TMEM131: variants seen among roughly 807,000 people sequenced by gnomAD.
The protein encoded by TMEM131 is transmembrane protein 131.
A neutral mutation model predicts 211.6 loss-of-function variants in TMEM131; 66 were observed. That is an observed-to-expected ratio of 0.31 (90% CI 0.26 to 0.38). The LOEUF (loss-of-function observed/expected upper bound fraction) is 0.38, where lower values mean the gene tolerates loss of function less well. TMEM131 is among the 10% of genes least tolerant of loss of function. The probability of loss-of-function intolerance (pLI) is 1.00; values close to 1 mark genes in which losing one functional copy is unlikely to be tolerated. For synonymous variants in TMEM131, 844 were observed against 841.3 expected, an observed-to-expected ratio of 1.00 and a Z score of -0.06; for missense variants, 2,036 against 2,299.3, an observed-to-expected ratio of 0.89 and a Z score of 2.34.
chr2:97,760,460 T>G (rs1195808515), intron 38 of TMEM131, 133 bp downstream of exon 38: 1 of 855,060 alleles, frequency 1.2e-6, no homozygotes, highest in Non-Finnish European at 1.8e-6. Flanking sequence ...TTAGAGGCAC[T>G]TGACCACTTC....
chr2:97,910,264 T>C (rs1237240777), intron 2 of TMEM131, among the ~76,000 whole-genome samples: 2 of 152,154 alleles, frequency 1.3e-5, no homozygotes, highest in South Asian at 2.1e-4. Flanking sequence ...ACTGGAACCT[T>C]TGTGCACTGT....
chr2:97,891,109 C>T (rs964144312), intron 3 of TMEM131, among the ~76,000 whole-genome samples: 8 of 152,166 alleles, frequency 5.3e-5, no homozygotes, highest in East Asian at 1.9e-4. Flanking sequence ...TTCCTATCCA[C>T]GTTTATTTAA....
At chr2:97,813,903 C>G in intron 15 of TMEM131, 68 bp downstream of exon 15, 1 of 1,253,854 alleles carries the variant, frequency 8.0e-7, no homozygotes, top group South Asian at 1.6e-5. Flanking sequence ...ACACGACTGC[C>G]TAATAAGATC....
At chr2:97,946,242 T>TA (rs918105438) in intron 1 of TMEM131, among the ~76,000 whole-genome samples, 4 of 151,286 alleles carry the variant, frequency 2.6e-5, no homozygotes, top group African/African-American at 9.7e-5. Flanking sequence ...TGTTTTTTAA[T>TA]AAAAAAAGAA....
chr2:97,848,045 T>C (rs2105128050), intron 5 of TMEM131, among the ~76,000 whole-genome samples: 1 of 152,302 alleles, frequency 6.6e-6, no homozygotes, highest in East Asian at 1.9e-4. Flanking sequence ...TAAGAATTAA[T>C]ATAAAGCCAC....
chr2:97,861,129 T>C (rs1451284103), intron 4 of TMEM131, among the ~76,000 whole-genome samples: 1 of 152,126 alleles, frequency 6.6e-6, no homozygotes, highest in Non-Finnish European at 1.5e-5. Context: ...CTAACTTGAG[T>C]TCCCATTAGC....
chr2:97,877,268 T>G (rs897617533), intron 4 of TMEM131, among the ~76,000 whole-genome samples: 7 of 152,240 alleles, frequency 4.6e-5, no homozygotes, highest in Non-Finnish European at 8.8e-5. Flanking sequence ...ATCATGAAAA[T>G]GGCCATACTG....
intron 32 of TMEM131, 83 bp downstream of exon 32, chr2:97,775,760 G>A (rs1156961592): frequency 7.0e-7 from 1 of 1,437,282 alleles, no homozygotes; most frequent in Non-Finnish European, 9.4e-7. Flanking sequence ...ACTAAAACCA[G>A]AATCTATGAG....
At chr2:97,941,488 T>C (rs936917664) in intron 1 of TMEM131, among the ~76,000 whole-genome samples, 11 of 152,226 alleles carry the variant, frequency 7.2e-5, no homozygotes, top group African/African-American at 1.9e-4. Context: ...TCTAATTAAA[T>C]GAAAGAGCTT....
chr2:97,853,399 A>C (rs1673704249), intron 5 of TMEM131, among the ~76,000 whole-genome samples: 1 of 147,482 alleles, frequency 6.8e-6, no homozygotes, highest in Non-Finnish European at 1.5e-5. Context: ...GTTCGAGACC[A>C]GCCTCGCCAA....
chr2:97,925,298 G>C (rs1676936307), intron 2 of TMEM131, among the ~76,000 whole-genome samples: 1 of 152,188 alleles, frequency 6.6e-6, no homozygotes. Flanking sequence ...CAGGTTAGAA[G>C]AGCCAACCAT....
chr2:97,879,911 A>C (rs973087402), intron 4 of TMEM131, among the ~76,000 whole-genome samples: 2 of 152,162 alleles, frequency 1.3e-5, no homozygotes, highest in African/African-American at 4.8e-5. Flanking sequence ...TCAACTACGC[A>C]GTGTGGTGGG....
chr2:97,948,292 A>C (rs552237790), intron 1 of TMEM131, among the ~76,000 whole-genome samples: 2 of 152,328 alleles, frequency 1.3e-5, no homozygotes, highest in South Asian at 4.1e-4. Context: ...TATTTGCAAA[A>C]TGCTTATCTG....
At chr2:97,894,777 T>C (rs887974956) in intron 3 of TMEM131, among the ~76,000 whole-genome samples, 7 of 152,200 alleles carry the variant, frequency 4.6e-5, no homozygotes, top group African/African-American at 1.7e-4. Flanking sequence ...TGAGCTGAGA[T>C]GATGGGGTTT....
chr2:97,895,098 C>T (rs557745659), intron 3 of TMEM131, among the ~76,000 whole-genome samples: 5 of 152,214 alleles, frequency 3.3e-5, no homozygotes, highest in South Asian at 2.1e-4. Flanking sequence ...TGAATTTTGT[C>T]GAAGGCCTTT....
intron 4 of TMEM131, among the ~76,000 whole-genome samples, chr2:97,871,851 T>C (rs1358331344): frequency 6.6e-6 from 1 of 151,922 alleles, no homozygotes; most frequent in East Asian, 1.9e-4. Context: ...GTTTTGTCTG[T>C]ATAGCAGGCA....
At chr2:97,964,859 CT>C (rs1281123380) in intron 1 of TMEM131, among the ~76,000 whole-genome samples, 1 of 152,236 alleles carries the variant, frequency 6.6e-6, no homozygotes, top group East Asian at 1.9e-4. Flanking sequence ...TGGGAAAACA[CT>C]GACTCTTGGT....
At chr2:97,891,295 C>T (rs1171367670) in intron 3 of TMEM131, among the ~76,000 whole-genome samples, 1 of 152,062 alleles carries the variant, frequency 6.6e-6, no homozygotes, top group East Asian at 1.9e-4. Flanking sequence ...ACAGGGGTCT[C>T]GTTATGTTGC....
chr2:97,969,761 T>C (rs1447213322), intron 1 of TMEM131, among the ~76,000 whole-genome samples: 1 of 152,256 alleles, frequency 6.6e-6, no homozygotes. Flanking sequence ...GCCACGCATA[T>C]TCTCCTACAA....
Sources: allele counts gnomAD v4.1 joint callset (sites outside exome capture counted in the v4.1 genomes callset), GRCh38; gene constraint gnomAD v4.1.1; transcripts MANE v1.5; gene names NCBI Gene and HGNC (gene_info 2026-07-23, HGNC 2026-07-21).